AFAP1L1: variants seen among roughly 807,000 people sequenced by gnomAD.
AFAP1L1 encodes the protein actin filament associated protein 1 like 1, also known as actin filament-associated protein 1-like 1.
A neutral mutation model predicts 99.8 loss-of-function variants in AFAP1L1; 77 were observed. That is an observed-to-expected ratio of 0.77 (90% CI 0.64 to 0.93). The LOEUF (loss-of-function observed/expected upper bound fraction) is 0.93, where lower values mean the gene tolerates loss of function less well. Ranked by LOEUF, AFAP1L1 falls within the 40% of genes least tolerant of loss-of-function variation. The probability of loss-of-function intolerance (pLI) is 0.00; values close to 1 mark genes in which losing one functional copy is unlikely to be tolerated. For synonymous variants in AFAP1L1, 373 were observed against 395.3 expected, an observed-to-expected ratio of 0.94 and a Z score of 0.67; for missense variants, 893 against 996.8, an observed-to-expected ratio of 0.90 and a Z score of 1.40.
chr5:149,299,282 G>A (rs1756111447), intron 1 of AFAP1L1, among the ~76,000 whole-genome samples: 1 of 152,196 alleles, frequency 6.6e-6, no homozygotes, highest in South Asian at 2.1e-4. Context: ...GGCCATCTGA[G>A]GTAGAGTGGG....
intron 15 of AFAP1L1, among the ~76,000 whole-genome samples, chr5:149,326,363 A>G (rs561264013): frequency 2.6e-5 from 4 of 152,136 alleles, no homozygotes; most frequent in African/African-American, 9.6e-5. Context: ...ACATGGCAAA[A>G]GCCTGTCTTT....
chr5:149,326,554 A>G (rs867893543), intron 15 of AFAP1L1, among the ~76,000 whole-genome samples: 1 of 118,150 alleles, frequency 8.5e-6, no homozygotes, highest in Non-Finnish European at 2.1e-5. Context: ...ATAAAAAAAA[A>G]AAAAAAAAGA....
intron 1 of AFAP1L1, 83 bp downstream of exon 1, chr5:149,272,067 G>T: frequency 8.3e-7 from 1 of 1,208,576 alleles, no homozygotes. Context: ...GAGAGGAGGA[G>T]GGAGAGAGGC....
chr5:149,316,893 A>G (rs141065481), intron 11 of AFAP1L1, among the ~76,000 whole-genome samples: 1 of 152,362 alleles, frequency 6.6e-6, no homozygotes, highest in African/African-American at 2.4e-5. Context: ...GGCCAGGCAC[A>G]GAGGCTCACC....
intron 17 of AFAP1L1, 79 bp from the exon 18 acceptor site, chr5:149,335,515 C>T (rs1454144953): frequency 6.6e-7 from 1 of 1,504,266 alleles, no homozygotes; most frequent in Non-Finnish European, 9.0e-7. Flanking sequence ...AAAGTGTCCT[C>T]ATGCTTTTGA....
At chr5:149,294,486 G>A (rs954149162) in intron 1 of AFAP1L1, among the ~76,000 whole-genome samples, 2 of 152,222 alleles carry the variant, frequency 1.3e-5, no homozygotes, top group Admixed American at 6.5e-5. Context: ...GGTGAGCTCT[G>A]TATTGTTCTG....
intron 1 of AFAP1L1, among the ~76,000 whole-genome samples, chr5:149,292,000 G>GA (rs1232848806): frequency 5.9e-5 from 9 of 152,328 alleles, no homozygotes; most frequent in African/African-American, 2.2e-4. Context: ...TCTGTAAAGA[G>GA]GCTGGTCAAA....
intron 16 of AFAP1L1, among the ~76,000 whole-genome samples, chr5:149,331,953 G>A (rs946181487): frequency 1.3e-5 from 2 of 152,152 alleles, no homozygotes; most frequent in African/African-American, 4.8e-5. Flanking sequence ...GACCACCGCA[G>A]AGCCCTCTGG....
chr5:149,304,658 C>T (rs986750037), intron 5 of AFAP1L1, among the ~76,000 whole-genome samples: 6 of 152,222 alleles, frequency 3.9e-5, no homozygotes, highest in Non-Finnish European at 5.9e-5. Context: ...TCGCTCACAG[C>T]GTCCAGCCCT....
intron 1 of AFAP1L1, among the ~76,000 whole-genome samples, chr5:149,274,472 C>A (rs1346933782): frequency 6.6e-6 from 1 of 152,212 alleles, no homozygotes; most frequent in Non-Finnish European, 1.5e-5. Context: ...CACACAAGAT[C>A]AGTTTAACTG....
chr5:149,285,070 A>G (rs1303202087), intron 1 of AFAP1L1, among the ~76,000 whole-genome samples: 1 of 152,104 alleles, frequency 6.6e-6, no homozygotes, highest in East Asian at 1.9e-4. Flanking sequence ...AACCCCAATG[A>G]TGGAGGCAGG....
intron 1 of AFAP1L1, among the ~76,000 whole-genome samples, chr5:149,277,066 A>T (rs916483447): frequency 6.6e-6 from 1 of 152,004 alleles, no homozygotes; most frequent in African/African-American, 2.4e-5. Context: ...TATGGTCTGA[A>T]TTTTTTCTGA....
Position 149,340,753 on chromosome 5 carries a change from C to T in AFAP1L1, c.*723C>T, listed in dbSNP as rs1757539858. The T allele has an allele frequency of 6.6e-6, 1 of 152,208 alleles. No homozygotes were observed. Among genetic ancestry groups the T allele is most frequent in the Non-Finnish European group, 1.5e-5 (1 of 68,050 alleles). 9.4% of individuals were successfully genotyped at this position (152,208 alleles called of 1,614,324 possible). A position where few individuals can be genotyped will look rare whatever the true frequency, so the allele number is the denominator to read the frequency against. On this transcript the variant is annotated 3_prime_UTR_variant, in exon 19 of 19. Coordinates refer to ENST00000296721, the MANE Select transcript of AFAP1L1 (RefSeq NM_152406.4). ...TTAAGCTCACAGTGATACTCAGTGA[C>T]AGGAGCACAGAGCTCTAATGTCCAC...
chr5:149,273,534 T>C (rs184889147), intron 1 of AFAP1L1, among the ~76,000 whole-genome samples: 2 of 152,200 alleles, frequency 1.3e-5, no homozygotes, highest in African/African-American at 4.8e-5. Flanking sequence ...CACCTTCTCC[T>C]TCAGGGACTG....
chr5:149,296,943 A>G (rs1460382238), intron 1 of AFAP1L1, among the ~76,000 whole-genome samples: 1 of 152,156 alleles, frequency 6.6e-6, no homozygotes, highest in East Asian at 1.9e-4. Flanking sequence ...AAAGCCCCTT[A>G]TAAAACCATC....
chr5:149,307,338 G>C, intron 6 of AFAP1L1, 64 bp from the exon 7 acceptor site: 1 of 1,538,224 alleles, frequency 6.5e-7, no homozygotes, highest in African/African-American at 1.4e-5. Context: ...GATCGCTGCA[G>C]AGGGGTGAGA....
chr5:149,289,089 T>G (rs964956913), intron 1 of AFAP1L1, among the ~76,000 whole-genome samples: 3 of 152,220 alleles, frequency 2.0e-5, no homozygotes, highest in African/African-American at 7.2e-5. Context: ...AACCTGTGCA[T>G]GGGCTTTCTA....
chr5:149,274,474 G>A (rs1449555529), intron 1 of AFAP1L1, among the ~76,000 whole-genome samples: 1 of 152,208 alleles, frequency 6.6e-6, no homozygotes, highest in Non-Finnish European at 1.5e-5. Context: ...CACAAGATCA[G>A]TTTAACTGTC....
At chr5:149,306,747 G>A (rs752346905) in intron 6 of AFAP1L1, among the ~76,000 whole-genome samples, 1 of 152,214 alleles carries the variant, frequency 6.6e-6, no homozygotes, top group African/African-American at 2.4e-5. Context: ...CAAGATGAAG[G>A]GGTATGACAA....
Sources: gnomAD v4.1 joint callset for allele counts (sites outside exome capture counted in the v4.1 genomes callset) on GRCh38, gnomAD v4.1.1 for gene constraint, MANE v1.5 for transcripts, NCBI Gene and HGNC (gene_info 2026-07-23, HGNC 2026-07-21) for gene names.